DLGAP1: variants seen among roughly 807,000 people sequenced by gnomAD.
DLGAP1 encodes the protein DLG associated protein 1.
Under a neutral mutation model 90.8 loss-of-function variants are expected in DLGAP1, and 11 were observed. The observed-to-expected ratio is 0.12, with a 90% CI of 0.08 to 0.20. The LOEUF (loss-of-function observed/expected upper bound fraction) is 0.20. Ranked by LOEUF, DLGAP1 falls within the 10% of genes least tolerant of loss-of-function variation. The pLI, the probability that DLGAP1 is intolerant of heterozygous loss-of-function variation, is 1.00. For missense variants in DLGAP1, 1,050 were observed against 1,333.8 expected, an observed-to-expected ratio of 0.79 and a Z score of 3.31; for synonymous variants, 558 against 540.7, an observed-to-expected ratio of 1.03 and a Z score of -0.44.
At chr18:3,567,633 GAAAAACAAACATCA>G in intron 8 of DLGAP1, 52 bp from the exon 9 acceptor site, 1 of 1,498,096 alleles carries the variant, frequency 6.7e-7, no homozygotes, top group Non-Finnish European at 9.2e-7. Context: ...CATCTTGCTT[GAAAAACAAACATCA>G]CATTTTATGA....
chr18:3,661,571 CTTTTTTT>C (rs10549959), intron 7 of DLGAP1, among the ~76,000 whole-genome samples: 1 of 125,272 alleles, frequency 8.0e-6, no homozygotes, highest in South Asian at 2.7e-4. Context: ...GCTGTAAGGT[CTTTTTTT>C]TTTTTTTTTT....
At chr18:3,959,537 C>T (rs1402341908) in intron 3 of DLGAP1, among the ~76,000 whole-genome samples, 1 of 151,924 alleles carries the variant, frequency 6.6e-6, no homozygotes, top group Admixed American at 6.6e-5. Flanking sequence ...CGTGGTGTCG[C>T]GTGTCTGTGA....
intron 1 of DLGAP1, among the ~76,000 whole-genome samples, chr18:4,397,836 T>G (rs1312784106): frequency 6.6e-6 from 1 of 152,188 alleles, no homozygotes; most frequent in Non-Finnish European, 1.5e-5. Context: ...AGGTAAAGAT[T>G]TCTTAAATCA....
intron 8 of DLGAP1, among the ~76,000 whole-genome samples, chr18:3,576,337 G>A (rs949485898): frequency 6.7e-6 from 1 of 150,104 alleles, no homozygotes; most frequent in Non-Finnish European, 1.5e-5. Context: ...TCGGCTCACT[G>A]CAACCTCCGC....
At chr18:3,535,651 T>G (rs1168587110) in intron 9 of DLGAP1, among the ~76,000 whole-genome samples, 2 of 149,688 alleles carry the variant, frequency 1.3e-5, no homozygotes, top group Non-Finnish European at 3.0e-5. Context: ...GAGCTTGCAG[T>G]GAGCTGAGAT....
chr18:3,955,651 T>C (rs1375924525), intron 3 of DLGAP1, among the ~76,000 whole-genome samples: 1 of 151,412 alleles, frequency 6.6e-6, no homozygotes, highest in East Asian at 1.9e-4. Context: ...GAGGTAGAGG[T>C]TGTGGTGAGC....
intron 1 of DLGAP1, among the ~76,000 whole-genome samples, chr18:4,374,651 A>G (rs530469473): frequency 6.6e-6 from 1 of 152,296 alleles, no homozygotes; most frequent in Admixed American, 6.5e-5. Context: ...TCACACAATG[A>G]TGGTTTTCAG....
rs73378936 is a variant in DLGAP1 at position 4,303,349 on chromosome 18, C to T, written c.-267+151657G>A. ...AAAAAATGTAGGCAGAACATCACAG[C>T]TGCATATAGGCACCTCTGTTCATGA... On this transcript the variant is annotated intron_variant, in intron 1 of 12. Transcript: ENST00000315677. 2.4e-3 allele frequency among the ~76,000 whole-genome samples: 362 copies of T among 151,938 alleles called. 1 individual carries two copies. The highest frequency in any genetic ancestry group is 8.4e-3 in the African/African-American group (350 of 41,538).
chr18:4,182,314 T>C (rs1247106146), intron 1 of DLGAP1, among the ~76,000 whole-genome samples: 4 of 151,908 alleles, frequency 2.6e-5, no homozygotes, highest in African/African-American at 9.7e-5. Context: ...ACAAAAGCTA[T>C]TTCACCTCCC....
intron 2 of DLGAP1, among the ~76,000 whole-genome samples, chr18:4,137,830 G>A (rs981375405): frequency 2.0e-4 from 31 of 151,972 alleles, no homozygotes; most frequent in African/African-American, 7.5e-4. Flanking sequence ...TTTCATCATA[G>A]AGATCTAAAA....
In DLGAP1 at chr18:4,057,004, T is replaced by TATACACAC. The variant is rs1232653186; in HGVS notation, c.-158-51804_-158-51803insGTGTGTAT. On this transcript the variant is annotated intron_variant, in intron 2 of 12. Coordinates refer to ENST00000315677, the MANE Select transcript of DLGAP1 (RefSeq NM_004746.4). ...GCATTTATTAGCAACTGACCATACA[T>TATACACAC]ACACACACACACACACACACACACA... Among the ~76,000 whole-genome samples the TATACACAC allele has an allele frequency of 3.5e-5, 4 of 115,020 alleles. No individual in the cohort carries two copies. The East Asian group carries it at 1.1e-3, about 32-fold the overall frequency. 75.5% of individuals were successfully genotyped at this position (115,020 alleles called of 152,430 possible). A position where few individuals can be genotyped will look rare whatever the true frequency, so the allele number is the denominator to read the frequency against.
intron 3 of DLGAP1, among the ~76,000 whole-genome samples, chr18:3,954,670 G>C (rs2073050962): frequency 6.6e-6 from 1 of 152,132 alleles, no homozygotes; most frequent in Non-Finnish European, 1.5e-5. Context: ...ATAAATACAA[G>C]ATTAGGAACT....
At chr18:4,267,855 C>T (rs772662858) in intron 1 of DLGAP1, among the ~76,000 whole-genome samples, 6 of 152,166 alleles carry the variant, frequency 3.9e-5, no homozygotes, top group South Asian at 4.1e-4. Context: ...ACATGGCAGC[C>T]GGCTTCCCTG....
At chr18:4,043,938 A>T (rs1186487132) in intron 2 of DLGAP1, among the ~76,000 whole-genome samples, 1 of 152,212 alleles carries the variant, frequency 6.6e-6, no homozygotes, top group African/African-American at 2.4e-5. Context: ...TTTGAACATC[A>T]TCTTAGCATT....
chr18:3,611,096 C>T (rs1393592790), intron 7 of DLGAP1, among the ~76,000 whole-genome samples: 1 of 151,580 alleles, frequency 6.6e-6, no homozygotes, highest in Non-Finnish European at 1.5e-5. Flanking sequence ...CGCACCACTG[C>T]ACTCTACCCT....
intron 3 of DLGAP1, among the ~76,000 whole-genome samples, chr18:3,910,270 T>C (rs1320185177): frequency 2.0e-5 from 3 of 151,916 alleles, no homozygotes; most frequent in African/African-American, 7.3e-5. Context: ...AAACTGAGGA[T>C]AGCTGTCTCC....
intron 1 of DLGAP1, among the ~76,000 whole-genome samples, chr18:4,446,286 G>A (rs1002825060): frequency 2.6e-5 from 4 of 152,134 alleles, no homozygotes; most frequent in African/African-American, 9.7e-5. Context: ...CTTTTGGGGG[G>A]CTCCAGGACA....
chr18:3,891,933 G>A (rs1460847493), intron 3 of DLGAP1: 1 of 151,828 alleles, frequency 6.6e-6, no homozygotes, highest in Non-Finnish European at 1.5e-5. Flanking sequence ...TAGAGATGGG[G>A]GGTCTCACTA....
intron 4 of DLGAP1, among the ~76,000 whole-genome samples, chr18:3,860,098 C>CAAAAAAAAAAAAAA (rs1169488386): frequency 1.0e-4 from 11 of 104,954 alleles, no homozygotes; most frequent in African/African-American, 2.9e-4. Flanking sequence ...GACTCTGTCT[C>CAAAAAAAAAAAAAA]AAAAAATAAA....
Sources: gnomAD v4.1 joint callset for allele counts (sites outside exome capture counted in the v4.1 genomes callset) on GRCh38, gnomAD v4.1.1 for gene constraint, MANE v1.5 for transcripts, NCBI Gene and HGNC (gene_info 2026-07-23, HGNC 2026-07-21) for gene names.